PABPC4L: variants seen among roughly 807,000 people sequenced by gnomAD.
The protein encoded by PABPC4L is poly(A) binding protein cytoplasmic 4 like.
For missense variants in PABPC4L, 452 were observed against 451.4 expected, an observed-to-expected ratio of 1.00 and a Z score of -0.01; for synonymous variants, 169 against 164.1, an observed-to-expected ratio of 1.03 and a Z score of -0.23.
At chr4:134,185,565 C>T in the PABPC4L span, among the ~76,000 whole-genome samples, 2 of 152,070 alleles carry the variant, frequency 1.3e-5, no homozygotes, top group Non-Finnish European at 1.5e-5. Flanking sequence ...TTATGATAAA[C>T]CCACAGCCAA....
chr4:133,999,949 T>C, the PABPC4L span, among the ~76,000 whole-genome samples: 1,145 of 152,266 alleles, frequency 7.5e-3, 5 homozygotes, highest in Non-Finnish European at 0.011. Flanking sequence ...CAAAGTAATA[T>C]GTATGTACTT....
the PABPC4L span, among the ~76,000 whole-genome samples, chr4:134,054,009 A>G: frequency 5.3e-5 from 8 of 151,762 alleles, no homozygotes; most frequent in East Asian, 1.4e-3. Flanking sequence ...GAAAAAAAAT[A>G]CACTAATTCC....
chr4:134,177,833 C>T, the PABPC4L span, among the ~76,000 whole-genome samples: 1 of 152,082 alleles, frequency 6.6e-6, no homozygotes, highest in East Asian at 1.9e-4. Flanking sequence ...ATGCAGCCTC[C>T]TGTTGTCCCA....
chr4:133,989,254 A>G, the PABPC4L span, among the ~76,000 whole-genome samples: 3 of 152,298 alleles, frequency 2.0e-5, no homozygotes, highest in Admixed American at 6.5e-5. Context: ...TTCTCCTCAG[A>G]AAATGGGTTT....
At chr4:134,189,023 A>T in the PABPC4L span, among the ~76,000 whole-genome samples, 2 of 151,948 alleles carry the variant, frequency 1.3e-5, no homozygotes, top group Non-Finnish European at 2.9e-5. Context: ...AAGTTTTGTT[A>T]ACAGATTCTC....
the PABPC4L span, among the ~76,000 whole-genome samples, chr4:134,057,848 A>G: frequency 5.9e-5 from 9 of 152,064 alleles, no homozygotes; most frequent in African/African-American, 2.2e-4. Flanking sequence ...CTTATTTTAT[A>G]TATAATTTTC....
At chr4:134,042,290 A>T in the PABPC4L span, among the ~76,000 whole-genome samples, 1 of 152,008 alleles carries the variant, frequency 6.6e-6, no homozygotes, top group Non-Finnish European at 1.5e-5. Flanking sequence ...TGGAGACTAG[A>T]AGGTTGGGGG....
chr4:134,113,158 T>C, the PABPC4L span, among the ~76,000 whole-genome samples: 3 of 151,940 alleles, frequency 2.0e-5, no homozygotes, highest in Non-Finnish European at 2.9e-5. Context: ...AGTCAAAAAG[T>C]TCAAAATGTT....
the PABPC4L span, among the ~76,000 whole-genome samples, chr4:134,006,594 C>T: frequency 4.6e-5 from 7 of 151,926 alleles, no homozygotes; most frequent in African/African-American, 1.7e-4. Context: ...CATCCAATAA[C>T]ATGCTTCTCA....
the PABPC4L span, among the ~76,000 whole-genome samples, chr4:134,142,137 T>C: frequency 0.074 from 11,289 of 151,734 alleles, 568 homozygotes; most frequent in South Asian, 0.13. Flanking sequence ...GAAATATCAA[T>C]TGAACTAAGT....
At chr4:134,071,184 A>G in the PABPC4L span, among the ~76,000 whole-genome samples, 3 of 152,108 alleles carry the variant, frequency 2.0e-5, no homozygotes, top group African/African-American at 7.2e-5. Flanking sequence ...CTTCCTGAGG[A>G]GTCAGTGGGA....
At chr4:134,171,599 A>G in the PABPC4L span, among the ~76,000 whole-genome samples, 2 of 152,186 alleles carry the variant, frequency 1.3e-5, no homozygotes, top group African/African-American at 4.8e-5. Flanking sequence ...CATTCCCCTT[A>G]GAAGTAAAAC....
At chr4:134,092,251 C>G in the PABPC4L span, among the ~76,000 whole-genome samples, 1 of 151,934 alleles carries the variant, frequency 6.6e-6, no homozygotes, top group Non-Finnish European at 1.5e-5. Flanking sequence ...CCATCCTCTA[C>G]CTATAAAAAC....
the PABPC4L span, among the ~76,000 whole-genome samples, chr4:134,096,769 C>A: frequency 2.0e-5 from 3 of 151,856 alleles, no homozygotes; most frequent in Non-Finnish European, 4.4e-5. Flanking sequence ...TAGAAAATAT[C>A]ATGAAAATAT....
chr4:134,049,485 T>G, the PABPC4L span, among the ~76,000 whole-genome samples: 1 of 152,132 alleles, frequency 6.6e-6, no homozygotes, highest in Non-Finnish European at 1.5e-5. Flanking sequence ...GTATATAAAT[T>G]ATCACCTTGT....
chr4:134,170,745 G>A, the PABPC4L span, among the ~76,000 whole-genome samples: 1 of 152,010 alleles, frequency 6.6e-6, no homozygotes, highest in East Asian at 1.9e-4. Context: ...CCTCCCACCG[G>A]GTCCCACCTC....
the PABPC4L span, among the ~76,000 whole-genome samples, chr4:134,001,091 G>A: frequency 2.0e-5 from 3 of 152,020 alleles, no homozygotes; most frequent in East Asian, 3.9e-4. Flanking sequence ...GTTTTCAACA[G>A]CACATATGAA....
chr4:133,972,314 T>C, the PABPC4L span, among the ~76,000 whole-genome samples: 1 of 152,188 alleles, frequency 6.6e-6, no homozygotes, highest in Non-Finnish European at 1.5e-5. Flanking sequence ...ATACTGCTTA[T>C]CAAAATAGTA....
chr4:134,089,493 T>A, the PABPC4L span, among the ~76,000 whole-genome samples: 1 of 152,142 alleles, frequency 6.6e-6, no homozygotes. Flanking sequence ...GCTACCATTA[T>A]AATATCATAT....
Sources: gnomAD v4.1 joint callset for allele counts (sites outside exome capture counted in the v4.1 genomes callset) on GRCh38, gnomAD v4.1.1 for gene constraint, MANE v1.5 for transcripts, NCBI Gene and HGNC (gene_info 2026-07-23, HGNC 2026-07-21) for gene names.